Variants in CNTNAP5 observed in about 807,000 individuals in gnomAD.
CNTNAP5 encodes contactin-associated protein-like 5.
In CNTNAP5, 72 loss-of-function variants were observed where a neutral mutation model predicts 150.2. The ratio of observed to expected loss-of-function variants is 0.48; its 90% CI spans 0.40 to 0.58. CNTNAP5 has a LOEUF of 0.58. Ranked by LOEUF, CNTNAP5 falls within the 20% of genes least tolerant of loss-of-function variation. The probability of loss-of-function intolerance (pLI) is 0.00; values close to 1 mark genes in which losing one functional copy is unlikely to be tolerated. For missense variants in CNTNAP5, 1,636 were observed against 1,626.2 expected (o/e 1.01, Z -0.10); for synonymous variants, 672 against 619.8 (o/e 1.08, Z -1.25).
intron 1 of CNTNAP5, among the ~76,000 whole-genome samples, chr2:124,138,027 C>T (rs1684020253): frequency 6.6e-6 from 1 of 151,986 alleles, no homozygotes. Context: ...ATTAGATTTC[C>T]TCAATGAAAA....
At chr2:124,038,035 T>G (rs1159128595) in intron 1 of CNTNAP5, among the ~76,000 whole-genome samples, 1 of 152,318 alleles carries the variant, frequency 6.6e-6, no homozygotes, top group East Asian at 1.9e-4. Context: ...CGCTGCAAGA[T>G]TCATCCCCAA....
At chr2:124,733,269 T>C (rs13406974) in intron 13 of CNTNAP5, among the ~76,000 whole-genome samples, 38,498 of 152,000 alleles carry the variant, frequency 0.25, 5,524 homozygotes, top group Non-Finnish European at 0.34. Flanking sequence ...GAAATTGCAA[T>C]TTGTTAAGGA....
At chr2:124,488,786 C>T (rs1034510485) in intron 7 of CNTNAP5, among the ~76,000 whole-genome samples, 6 of 152,148 alleles carry the variant, frequency 3.9e-5, no homozygotes, top group African/African-American at 1.2e-4. Context: ...AGAATGTCTT[C>T]CTAAGGGAGC....
chr2:124,074,018 G>T (rs1056861741), intron 1 of CNTNAP5, among the ~76,000 whole-genome samples: 13 of 152,094 alleles, frequency 8.5e-5, no homozygotes, highest in Non-Finnish European at 2.9e-5. Flanking sequence ...AAAAAAGAAT[G>T]AGATTCTGTC....
At chr2:124,621,062 G>A (rs938551639) in intron 12 of CNTNAP5, among the ~76,000 whole-genome samples, 6 of 152,134 alleles carry the variant, frequency 3.9e-5, no homozygotes, top group Non-Finnish European at 5.9e-5. Flanking sequence ...TTATAAGGGT[G>A]AGGCACCCTG....
chr2:124,487,918 A>G (rs1447463288), intron 7 of CNTNAP5, among the ~76,000 whole-genome samples: 1 of 152,096 alleles, frequency 6.6e-6, no homozygotes, highest in Non-Finnish European at 1.5e-5. Context: ...CATGCACACT[A>G]CAGGAAGCAG....
chr2:124,063,051 C>T (rs1027438552), intron 1 of CNTNAP5, among the ~76,000 whole-genome samples: 2 of 151,956 alleles, frequency 1.3e-5, no homozygotes, highest in South Asian at 2.1e-4. Context: ...TGTTTCTTTT[C>T]CTGTCCTTAC....
rs903283724 is a variant in CNTNAP5 at position 124,594,796 on chromosome 2, A to G, written c.1757-15005A>G. On this transcript the variant is annotated intron_variant, in intron 11 of 23. Coordinates refer to ENST00000682447, the MANE Select transcript of CNTNAP5 (RefSeq NM_001367498.1). ...ATGGAATGTTCTTCCATTTGTTTGT[A>G]TCCTCTTTTATTTCCTTGAGCAGTG... Among the ~76,000 whole-genome samples the G allele has an allele frequency of 1.5e-3, 178 of 117,192 alleles. 3 individuals carry two copies. Among genetic ancestry groups the G allele is most frequent in the African/African-American group, 5.2e-3 (169 of 32,788 alleles). The allele number at this position is 117,192 out of a possible 152,430, so 76.9% of individuals were successfully genotyped here.
intron 1 of CNTNAP5, among the ~76,000 whole-genome samples, chr2:124,176,111 G>GGA (rs1685057332): frequency 1.3e-5 from 2 of 152,142 alleles, no homozygotes. Context: ...CCCATTTCCA[G>GGA]GATCTTTCTC....
chr2:124,312,632 A>T (rs1234107980), intron 3 of CNTNAP5, among the ~76,000 whole-genome samples: 1 of 152,076 alleles, frequency 6.6e-6, no homozygotes, highest in Non-Finnish European at 1.5e-5. Flanking sequence ...CTGCAGTGGC[A>T]CTACCTCGGC....
At chr2:124,145,345 G>A (rs1473204902) in intron 1 of CNTNAP5, among the ~76,000 whole-genome samples, 2 of 27,596 alleles carry the variant, frequency 7.2e-5, no homozygotes, top group African/African-American at 3.1e-4. Flanking sequence ...ACATGCACAC[G>A]TATGTTTATT....
chr2:124,811,107 CA>C (rs76530591), intron 19 of CNTNAP5, among the ~76,000 whole-genome samples: 13,254 of 150,038 alleles, frequency 0.088, 1,039 homozygotes, highest in African/African-American at 0.22. Flanking sequence ...CTTTGAAAAC[CA>C]ACCTCACCAA....
At chr2:124,170,692 C>A (rs183191898) in intron 1 of CNTNAP5, among the ~76,000 whole-genome samples, 3 of 152,282 alleles carry the variant, frequency 2.0e-5, no homozygotes, top group African/African-American at 7.2e-5. Flanking sequence ...GTCAGCCTTT[C>A]CCATTGCATA....
intron 1 of CNTNAP5, among the ~76,000 whole-genome samples, chr2:124,150,539 G>C (rs1684380072): frequency 6.6e-6 from 1 of 152,182 alleles, no homozygotes; most frequent in Non-Finnish European, 1.5e-5. Context: ...CACAATTCTG[G>C]AGGCTGGAAG....
At chr2:124,033,951 G>A (rs955290051) in intron 1 of CNTNAP5, among the ~76,000 whole-genome samples, 9 of 152,090 alleles carry the variant, frequency 5.9e-5, no homozygotes, top group African/African-American at 2.2e-4. Flanking sequence ...AGATAGTACT[G>A]GGTATCTGGA....
At chr2:124,818,824 A>G (rs1682424699) in intron 19 of CNTNAP5, among the ~76,000 whole-genome samples, 2 of 152,104 alleles carry the variant, frequency 1.3e-5, no homozygotes, top group Admixed American at 6.6e-5. Flanking sequence ...GGCAGTACAC[A>G]ATCTGGCCCT....
chr2:124,451,361 G>A (rs895946505), intron 6 of CNTNAP5, among the ~76,000 whole-genome samples: 1 of 151,592 alleles, frequency 6.6e-6, no homozygotes, highest in Admixed American at 6.6e-5. Context: ...TAAGAGTGCT[G>A]GAGTTCTTCT....
chr2:124,486,647 C>G (rs1209443141), intron 7 of CNTNAP5, among the ~76,000 whole-genome samples: 1 of 152,140 alleles, frequency 6.6e-6, no homozygotes, highest in Non-Finnish European at 1.5e-5. Flanking sequence ...TTCACGGTTT[C>G]ATATGTCACC....
At chr2:124,170,432 T>C (rs913839247) in intron 1 of CNTNAP5, among the ~76,000 whole-genome samples, 1 of 152,122 alleles carries the variant, frequency 6.6e-6, no homozygotes, top group Non-Finnish European at 1.5e-5. Context: ...GTATTAGCAT[T>C]GTGTGCAGAT....
Sources: allele counts gnomAD v4.1 joint callset (sites outside exome capture counted in the v4.1 genomes callset), GRCh38; gene constraint gnomAD v4.1.1; transcripts MANE v1.5; gene names NCBI Gene and HGNC (gene_info 2026-07-23, HGNC 2026-07-21).